COBL: variants seen among roughly 807,000 people sequenced by gnomAD.
The protein encoded by COBL is cordon-bleu WH2 repeat protein.
Under a neutral mutation model 98.8 loss-of-function variants are expected in COBL, and 51 were observed. The ratio of observed to expected loss-of-function variants is 0.52; its 90% CI spans 0.41 to 0.65. COBL has a LOEUF of 0.65. COBL is among the 30% of genes least tolerant of loss of function. The pLI is 0.00. For synonymous variants in COBL, 634 were observed against 651.7 expected (o/e 0.97, Z 0.41); for missense variants, 1,617 against 1,617.5 (o/e 1.00, Z 0.01).
At chr7:51,202,326 A>G (rs801134) in intron 2 of COBL, among the ~76,000 whole-genome samples, 88,407 of 152,040 alleles carry the variant, frequency 0.58, 27,009 homozygotes, top group East Asian at 0.69. Context: ...TTGTGCCTCA[A>G]TCTGCAAAAG....
chr7:51,302,512 C>T (rs1009040304), intron 1 of COBL, among the ~76,000 whole-genome samples: 6 of 144,318 alleles, frequency 4.2e-5, no homozygotes, highest in Non-Finnish European at 6.0e-5. Context: ...ACCCGGGAGG[C>T]GGAGGTTGTG....
intron 2 of COBL, among the ~76,000 whole-genome samples, chr7:51,194,679 A>G (rs983894565): frequency 2.6e-5 from 4 of 152,000 alleles, no homozygotes; most frequent in African/African-American, 9.7e-5. Flanking sequence ...ATGGTATCTC[A>G]TTGCGGTTTT....
intron 1 of COBL, among the ~76,000 whole-genome samples, chr7:51,235,155 A>C (rs1464029093): frequency 6.6e-6 from 1 of 152,130 alleles, no homozygotes; most frequent in East Asian, 1.9e-4. Flanking sequence ...CTCTGAAGTC[A>C]AGCAGCCCAA....
chr7:51,128,170 A>T (rs529505911), intron 6 of COBL, among the ~76,000 whole-genome samples: 1 of 152,224 alleles, frequency 6.6e-6, no homozygotes, highest in South Asian at 2.1e-4. Context: ...CCTGCTCTAA[A>T]CCCAGATTTA....
At chr7:51,183,098 C>T (rs1163288138) in intron 5 of COBL, among the ~76,000 whole-genome samples, 1 of 152,142 alleles carries the variant, frequency 6.6e-6, no homozygotes, top group Non-Finnish European at 1.5e-5. Context: ...CTGGGTAAAC[C>T]ACAATTCTAA....
At chr7:51,271,004 T>C (rs1434658129) in intron 1 of COBL, among the ~76,000 whole-genome samples, 3 of 152,202 alleles carry the variant, frequency 2.0e-5, no homozygotes, top group Non-Finnish European at 4.4e-5. Flanking sequence ...CTTCCTCCTC[T>C]GCATCAACCT....
rs1233761991 is a variant in COBL, at chr7:51,029,249, G to T, written c.1847C>A (p.Ser616Tyr). 6.2e-7 allele frequency: 1 copy of T among 1,613,334 alleles called. No individual in the cohort carries two copies. Among genetic ancestry groups the T allele is most frequent in the Non-Finnish European group, 8.5e-7 (1 of 1,179,586 alleles). ...TAGATTCCCATCTTTAGAGATGTTA[G>T]ATAAGGCCACACGGATTCCTTTTCC... ...DVGKGIRVAL[S>Y]NISKDGNLME... The change falls in exon 10 of 13, where the codon TCT (serine) becomes TAT (tyrosine). Residue 616 changes from serine (S) to tyrosine (Y), a missense_variant. This residue lies in a region of COBL where 1,304 missense variants were observed against 1,282.0 expected (regional missense o/e 1.02). Transcript: ENST00000265136.
chr7:51,142,089 C>T (rs770760711), intron 5 of COBL, among the ~76,000 whole-genome samples: 2 of 152,276 alleles, frequency 1.3e-5, no homozygotes, highest in African/African-American at 4.8e-5. Context: ...ATGAAGCATG[C>T]CAGCTTCATG....
At chr7:51,063,326 G>A (rs1297216859) in intron 7 of COBL, among the ~76,000 whole-genome samples, 1 of 152,036 alleles carries the variant, frequency 6.6e-6, no homozygotes, top group Non-Finnish European at 1.5e-5. Flanking sequence ...GTAGAGATGG[G>A]GTTTTGCCAT....
At chr7:51,143,723 C>T (rs1433815049) in intron 5 of COBL, among the ~76,000 whole-genome samples, 1 of 152,192 alleles carries the variant, frequency 6.6e-6, no homozygotes, top group Non-Finnish European at 1.5e-5. Context: ...AGGAAGGCTT[C>T]CCTGTAACTC....
intron 4 of COBL, among the ~76,000 whole-genome samples, chr7:51,185,986 C>T (rs902309560): frequency 1.3e-5 from 2 of 152,240 alleles, no homozygotes; most frequent in African/African-American, 4.8e-5. Context: ...AGTGGAGGCA[C>T]TGAGCAGGCT....
Position 51,027,794 on chromosome 7 carries a change from C to T in COBL, c.3302G>A (p.Arg1101Lys), listed in dbSNP as rs138780424. 2 of 1,614,068 alleles carry T rather than the reference C, an allele frequency of 1.2e-6. No homozygotes were observed. Among genetic ancestry groups the T allele is most frequent in the African/African-American group, 2.7e-5 (2 of 74,928 alleles). Residue 1101 changes from arginine (R) to lysine (K), a missense_variant, in exon 10 of 13, where the codon AGA (arginine) becomes AAA (lysine). Physicochemically the swap from Arg to Lys is conservative, Grantham distance 26. Transcript: ENST00000265136. Reference protein sequence around the residue: ...PKKKFKPVVQRPVPKDTSLHS... With the variant: ...PKKKFKPVVQKPVPKDTSLHS... ...CAGGGATGTGTCTTTTGGGACTGGT[C>T]TCTGGACAACAGGTTTGAATTTTTT...
intron 1 of COBL, among the ~76,000 whole-genome samples, chr7:51,315,305 C>G (rs971783375): frequency 4.6e-5 from 7 of 151,108 alleles, no homozygotes; most frequent in African/African-American, 1.7e-4. Flanking sequence ...TTTTAACATT[C>G]CTCAGCTTCA....
At chr7:51,075,043 C>G (rs533479892) in intron 7 of COBL, among the ~76,000 whole-genome samples, 1 of 152,206 alleles carries the variant, frequency 6.6e-6, no homozygotes, top group Non-Finnish European at 1.5e-5. Flanking sequence ...TGGCATCAGA[C>G]AGTAAGATGA....
chr7:51,227,895 CA>C (rs1382893740), intron 1 of COBL, among the ~76,000 whole-genome samples: 1 of 152,168 alleles, frequency 6.6e-6, no homozygotes, highest in Non-Finnish European at 1.5e-5. Context: ...AAACAGTCAA[CA>C]GAAGATCCAG....
At chr7:51,293,075 AT>A (rs1172792152) in intron 1 of COBL, among the ~76,000 whole-genome samples, 2 of 152,242 alleles carry the variant, frequency 1.3e-5, no homozygotes, top group Non-Finnish European at 2.9e-5. Flanking sequence ...ACAACTGTTA[AT>A]TCTCATCCAC....
intron 1 of COBL, among the ~76,000 whole-genome samples, chr7:51,235,998 G>GA (rs570111189): frequency 5.5e-4 from 84 of 151,742 alleles, no homozygotes; most frequent in Non-Finnish European, 9.9e-4. Flanking sequence ...CATCCCCTTG[G>GA]AAAAAAAACA....
intron 7 of COBL, among the ~76,000 whole-genome samples, chr7:51,052,386 G>T (rs546475451): frequency 1.3e-3 from 197 of 152,272 alleles, no homozygotes; most frequent in African/African-American, 4.5e-3. Flanking sequence ...TAAGCCAAAA[G>T]ATTTTCTTCC....
chr7:51,247,850 C>A (rs981616865), intron 1 of COBL, among the ~76,000 whole-genome samples: 2 of 152,118 alleles, frequency 1.3e-5, no homozygotes, highest in South Asian at 4.2e-4. Flanking sequence ...CAAGGCCAGG[C>A]GCAATGGCTC....
Sources: allele counts gnomAD v4.1 joint callset (sites outside exome capture counted in the v4.1 genomes callset), GRCh38; gene constraint gnomAD v4.1.1; regional missense constraint gnomAD v4.1.1; transcripts MANE v1.5; gene names NCBI Gene and HGNC (gene_info 2026-07-23, HGNC 2026-07-21).